Variants in GALNT15 observed in about 807,000 individuals in gnomAD.
The protein encoded by GALNT15 is polypeptide N-acetylgalactosaminyltransferase 15.
A neutral mutation model predicts 66.8 loss-of-function variants in GALNT15; 67 were observed. The observed-to-expected ratio is 1.00, with a 90% CI of 0.82 to 1.23. GALNT15 has a LOEUF of 1.23. Among genes scored for constraint, GALNT15 ranks in the 50% most tolerant of loss-of-function variants. GALNT15 has a pLI of 0.00. For missense variants in GALNT15, 827 were observed against 804.3 expected, an observed-to-expected ratio of 1.03 and a Z score of -0.34; for synonymous variants, 313 against 311.5, an observed-to-expected ratio of 1.00 and a Z score of -0.05.
In GALNT15 at chr3:16,219,563, G is replaced by A. The variant is rs200178901; in HGVS notation, c.1524+29G>A. ...AGGCATGACCCAGGGAAGATGGGGA[G>A]GGACAGGGAAGCTTCCCAAGACAAG... On this transcript the variant is annotated intron_variant, in intron 7 of 9. Coordinates refer to ENST00000339732, the MANE Select transcript of GALNT15 (RefSeq NM_054110.5). This position sits in a 1 kb window ranked among gnomAD's most constrained non-coding sequence, Gnocchi z 4.3. The A allele has an allele frequency of 4.5e-5, 72 of 1,609,500 alleles. No individual in the cohort carries two copies. Among genetic ancestry groups the A allele is most frequent in the African/African-American group, 1.2e-4 (9 of 74,660 alleles).
At position 16,219,616 on chromosome 3, in the gene GALNT15, C is replaced by T. The variant is rs1430587650; in HGVS notation, c.1524+82C>T. The stretch of plus-strand genomic sequence containing the variant: ...CTAGATGTTCAGCTCTTCCATGTCC[C>T]TGGTCAACCATTCACGGTTTAGCAG... On this transcript the variant is annotated intron_variant, in intron 7 of 9. Coordinates refer to ENST00000339732, the MANE Select transcript of GALNT15 (RefSeq NM_054110.5). This position sits in a 1 kb window ranked among gnomAD's most constrained non-coding sequence, Gnocchi z 4.3. The T allele has an allele frequency of 1.7e-5, 26 of 1,555,548 alleles. No homozygotes were observed. The highest frequency in any genetic ancestry group is 2.2e-5 in the Non-Finnish European group (25 of 1,143,562).
Position 16,175,495 on chromosome 3 carries a change from G to A in GALNT15, c.344G>A (p.Gly115Glu). ...AACCAGAGCCAGGGCAGGAGAGGTGGGAGCTACCGCCTCATCAAGCAGCCA... is the reference window on the plus strand; with the variant it reads ...AACCAGAGCCAGGGCAGGAGAGGTGAGAGCTACCGCCTCATCAAGCAGCCA... ...RRNQSQGRRG[G>E]SYRLIKQPRR... Residue 115 changes from glycine to glutamate, a missense_variant, in exon 1 of 10, where the codon GGG becomes GAG. Transcript: ENST00000339732. This position sits in a 1 kb window ranked among gnomAD's most constrained non-coding sequence, Gnocchi z 5.6. 6.2e-7 allele frequency: 1 copy of A among 1,613,844 alleles called. No individual in the cohort carries two copies. Among genetic ancestry groups the A allele is most frequent in the Non-Finnish European group, 8.5e-7 (1 of 1,179,844 alleles).
At chr3:16,196,050 A>T (rs1312446388) in intron 2 of GALNT15, 124 bp downstream of exon 2, 2 of 892,084 alleles carry the variant, frequency 2.2e-6, no homozygotes, top group Admixed American at 2.5e-5. Flanking sequence ...AGACCTCCAG[A>T]TGAGGATTAA....
At chr3:16,217,507 TAA>T (rs1216524006) in intron 6 of GALNT15, among the ~76,000 whole-genome samples, 1 of 152,232 alleles carries the variant, frequency 6.6e-6, no homozygotes, top group Non-Finnish European at 1.5e-5. Context: ...TAAATTTAAA[TAA>T]CCAAAAGTTA....
Position 16,181,776 on chromosome 3 carries a change from A to G in GALNT15, c.539+6086A>G, listed in dbSNP as rs926284931. 6.6e-6 allele frequency among the ~76,000 whole-genome samples: 1 copy of G among 152,160 alleles called. No homozygotes were observed. The highest frequency in any genetic ancestry group is 2.4e-5 in the African/African-American group (1 of 41,452). On this transcript the variant is annotated intron_variant, in intron 1 of 9. Coordinates refer to ENST00000339732, the MANE Select transcript of GALNT15 (RefSeq NM_054110.5). This position sits in a 1 kb window ranked among gnomAD's most constrained non-coding sequence, Gnocchi z 5.9. ...TGGAACTTAGCTCAATTCCCCCCAC[A>G]AGAGAGGGAAGACAACCCAGTATGG...
chr3:16,231,690 G>T, downstream of GALNT15: 1 of 865,242 alleles, frequency 1.2e-6, no homozygotes, highest in Non-Finnish European at 1.8e-6. The surrounding 1 kb of genome is among the most constrained non-coding windows in gnomAD (Gnocchi z 4.1). Flanking sequence ...TTCCCAAACT[G>T]TTCAGCTAGC....
At chr3:16,236,397 C>T (rs933702938), downstream of GALNT15, among the ~76,000 whole-genome samples, 5 of 152,146 alleles carry the variant, frequency 3.3e-5, no homozygotes, top group Admixed American at 2.6e-4. Flanking sequence ...CAAAAGGAGC[C>T]GAGCCATGGA....
Position 16,175,069 on chromosome 3 carries a change from G to T in GALNT15, c.-83G>T. 3.6e-6 allele frequency: 5 copies of T among 1,388,154 alleles called. No individual in the cohort carries two copies. Among genetic ancestry groups the T allele is most frequent in the Non-Finnish European group, 5.0e-6 (5 of 1,009,182 alleles). 86.0% of individuals were successfully genotyped at this position (1,388,154 alleles called of 1,614,324 possible). On this transcript the variant is annotated 5_prime_UTR_variant, in exon 1 of 10. Transcript: ENST00000339732. This position sits in a 1 kb window ranked among gnomAD's most constrained non-coding sequence, Gnocchi z 5.6. ...CTTCCAGGTGGAACAAGCAACCCAG[G>T]TTCTGCTGCAAGCTTGAAGGAGCCT...
At position 16,207,547 on chromosome 3, in the gene GALNT15, G is replaced by T. The variant is rs1325764176; in HGVS notation, c.912-956G>T. On this transcript the variant is annotated intron_variant, in intron 3 of 9. Coordinates refer to ENST00000339732, the MANE Select transcript of GALNT15 (RefSeq NM_054110.5). The stretch of plus-strand genomic sequence containing the variant: ...AAAAAAAAAAAAAAAAAAAAAATTG[G>T]GCCTAAAATTCCCCACCATTACCGG... Among the ~76,000 whole-genome samples, 4 of 4,404 alleles carry T rather than the reference G, an allele frequency of 9.1e-4. 1 individual carries two copies. The highest frequency in any genetic ancestry group is 1.3e-3 in the Non-Finnish European group (3 of 2,240). 2.9% of individuals were successfully genotyped at this position (4,404 alleles called of 152,430 possible).
At chr3:16,178,941 T>C (rs1690868803) in intron 1 of GALNT15, among the ~76,000 whole-genome samples, 1 of 152,182 alleles carries the variant, frequency 6.6e-6, no homozygotes, top group African/African-American at 2.4e-5. Flanking sequence ...GCCCAGTTCC[T>C]ACACCCAAAT....
At position 16,175,641 on chromosome 3, in the gene GALNT15, A is replaced by G; in HGVS notation, c.490A>G (p.Ser164Gly). 1 of 1,612,150 alleles carries G rather than the reference A, an allele frequency of 6.2e-7. No homozygotes were observed. The highest frequency in any genetic ancestry group is 1.7e-5 in the Admixed American group (1 of 59,896). The change falls in exon 1 of 10, where the codon AGT (serine) becomes GGT (glycine). Residue 164 changes from serine to glycine, a missense_variant. Transcript: ENST00000339732. The surrounding 1 kb of genome is among the most constrained non-coding windows in gnomAD (Gnocchi z 5.6). ...LDPRGLQEAL[S>G]ARIPLQRALP... ...CCCACGTGGCCTCCAGGAGGCACTC[A>G]GTGCCCGCATCCCCCTCCAGAGGGC...
rs1022179952 is a variant in GALNT15, at chr3:16,195,297, G to A, written c.540-463G>A. On this transcript the variant is annotated intron_variant, in intron 1 of 9. Transcript: ENST00000339732. This position sits in a 1 kb window ranked among gnomAD's most constrained non-coding sequence, Gnocchi z 4.6. ...GTGGTCCACAGAAAACAGCAGCATC[G>A]GCATCACCTGGGAGCTTGTTAGAAA... Among the ~76,000 whole-genome samples the A allele has an allele frequency of 2.6e-5, 4 of 152,248 alleles. No homozygotes were observed. Among genetic ancestry groups the A allele is most frequent in the South Asian group, 2.1e-4 (1 of 4,816 alleles).
intron 3 of GALNT15, among the ~76,000 whole-genome samples, chr3:16,201,719 ACATTTTTCTTGAT>A (rs925915923): frequency 6.6e-6 from 1 of 152,148 alleles, no homozygotes; most frequent in Non-Finnish European, 1.5e-5. Context: ...AAGCATCTTA[ACATTTTTCTTGAT>A]CATTTCTCTG....
chr3:16,233,094 C>CTTTTT (rs61516679), downstream of GALNT15, among the ~76,000 whole-genome samples: 200 of 61,184 alleles, frequency 3.3e-3, 50 homozygotes, highest in African/African-American at 0.011. Flanking sequence ...GATAATGCAT[C>CTTTTT]TTTTTTTTTT....
intron 3 of GALNT15, among the ~76,000 whole-genome samples, chr3:16,202,927 T>G (rs1367946197): frequency 6.6e-6 from 1 of 152,246 alleles, no homozygotes; most frequent in East Asian, 1.9e-4. Flanking sequence ...CTGTTTTCTA[T>G]GCTGCTTTTA....
At position 16,182,070 on chromosome 3, in the gene GALNT15, G is replaced by C. The variant is rs2063477113; in HGVS notation, c.539+6380G>C. Among the ~76,000 whole-genome samples the C allele has an allele frequency of 6.6e-6, 1 of 152,162 alleles. No homozygotes were observed. Among genetic ancestry groups the C allele is most frequent in the Non-Finnish European group, 1.5e-5 (1 of 68,034 alleles). On this transcript the variant is annotated intron_variant, in intron 1 of 9. Transcript: ENST00000339732. The surrounding 1 kb of genome is among the most constrained non-coding windows in gnomAD (Gnocchi z 6.1). ...AGGACAAACCCAGCTGGCCTTGGGG[G>C]TTAGATTAGATGTGGTTAATCTGCA...
chr3:16,238,761 G>A, the GALNT15 span, among the ~76,000 whole-genome samples: 1 of 152,118 alleles, frequency 6.6e-6, no homozygotes, highest in Non-Finnish European at 1.5e-5. The surrounding 1 kb of genome is among the most constrained non-coding windows in gnomAD (Gnocchi z 4.8). Context: ...ATAAAACAGG[G>A]ACTGTCCAAA....
downstream of GALNT15, among the ~76,000 whole-genome samples, chr3:16,233,401 A>G (rs2064104233): frequency 6.6e-6 from 1 of 152,048 alleles, no homozygotes; most frequent in South Asian, 2.1e-4. Flanking sequence ...AGCCAGGATA[A>G]TGTATCCTGT....
the GALNT15 span, among the ~76,000 whole-genome samples, chr3:16,240,329 C>A: frequency 1.3e-5 from 2 of 152,200 alleles, no homozygotes; most frequent in African/African-American, 2.4e-5. Context: ...ACCTCTAGGG[C>A]CTTGTCCCGT....
Sources: gnomAD v4.1 joint callset for allele counts (sites outside exome capture counted in the v4.1 genomes callset) on GRCh38, gnomAD v4.1.1 for gene constraint, Gnocchi (gnomAD v3.1) non-coding constraint, MANE v1.5 for transcripts, NCBI Gene and HGNC (gene_info 2026-07-23, HGNC 2026-07-21) for gene names.